Variants in CSMD1 observed in about 807,000 individuals in gnomAD.
The protein encoded by CSMD1 is CUB and sushi domain-containing protein 1.
A neutral mutation model predicts 417.5 loss-of-function variants in CSMD1; 213 were observed. The observed-to-expected ratio is 0.51, with a 90% CI of 0.46 to 0.57. The LOEUF (loss-of-function observed/expected upper bound fraction) is 0.57. CSMD1 is among the 20% of genes least tolerant of loss of function. The pLI is 0.00. For missense variants in CSMD1, 6,923 were observed against 4,529.7 expected (o/e 1.53, Z -15.17); for synonymous variants, 2,862 against 1,736.8 (o/e 1.65, Z -16.11).
chr8:3,370,521 T>G (rs1361235351), intron 18 of CSMD1, among the ~76,000 whole-genome samples: 2 of 152,208 alleles, frequency 1.3e-5, no homozygotes, highest in Non-Finnish European at 2.9e-5. Context: ...CCAGTGTGAC[T>G]GGGCTAAGGG....
At chr8:4,500,321 G>A (rs552039160) in intron 2 of CSMD1, among the ~76,000 whole-genome samples, 9 of 152,278 alleles carry the variant, frequency 5.9e-5, no homozygotes, top group African/African-American at 1.9e-4. Context: ...GGGATATTCT[G>A]TAACCACCAC....
chr8:4,551,286 G>T (rs537766872), intron 2 of CSMD1, among the ~76,000 whole-genome samples: 4 of 152,036 alleles, frequency 2.6e-5, no homozygotes, highest in Admixed American at 6.6e-5. Flanking sequence ...CTGACTCAAG[G>T]CTGTATGTGA....
chr8:4,149,895 T>C (rs1271054793), intron 3 of CSMD1, among the ~76,000 whole-genome samples: 1 of 152,224 alleles, frequency 6.6e-6, no homozygotes, highest in Non-Finnish European at 1.5e-5. Flanking sequence ...TCCACTCTAA[T>C]GTTCAGTAAT....
rs372142170 is a variant in CSMD1, at chr8:4,031,978, G to A, written c.537C>T (p.Gly179=). Residue 179 remains glycine, a synonymous_variant, in exon 4 of 70, where the codon GGC becomes GGT. Coordinates refer to ENST00000635120, the MANE Select transcript of CSMD1 (RefSeq NM_033225.6). ...TGACGATGCAGGTCAGGATGGCGTG[G>A]CCTTCCAAGATGTAGCCAGGGAGGC... ...YSCLPGYILE[G]HAILTCIVSP... The A allele has an allele frequency of 6.2e-7, 1 of 1,613,964 alleles. No homozygotes were observed. Among genetic ancestry groups the A allele is most frequent in the South Asian group, 1.1e-5 (1 of 91,080 alleles).
At chr8:4,202,283 C>T (rs975239320) in intron 3 of CSMD1, among the ~76,000 whole-genome samples, 1 of 152,108 alleles carries the variant, frequency 6.6e-6, no homozygotes, top group Non-Finnish European at 1.5e-5. Flanking sequence ...ACTGATTATG[C>T]TTTAAAAAAA....
intron 1 of CSMD1, among the ~76,000 whole-genome samples, chr8:4,875,139 G>A (rs1479291068): frequency 1.3e-5 from 2 of 151,722 alleles, no homozygotes; most frequent in African/African-American, 4.9e-5. Flanking sequence ...CTCATGGTAA[G>A]GTAGTATGTG....
At chr8:4,303,868 G>A (rs1277486535) in intron 3 of CSMD1, among the ~76,000 whole-genome samples, 5 of 151,974 alleles carry the variant, frequency 3.3e-5, no homozygotes, top group African/African-American at 9.7e-5. Context: ...TGTTGCCCAG[G>A]CTGGTCTCGA....
chr8:4,169,362 G>A (rs1032388234), intron 3 of CSMD1, among the ~76,000 whole-genome samples: 3 of 152,100 alleles, frequency 2.0e-5, no homozygotes, highest in Non-Finnish European at 2.9e-5. Context: ...TGGCGACTGC[G>A]TTTTCCACTT....
intron 3 of CSMD1, among the ~76,000 whole-genome samples, chr8:4,359,312 A>ATG (rs1801616893): frequency 6.6e-6 from 1 of 152,236 alleles, no homozygotes. Context: ...GCAGTGCATT[A>ATG]TTGTGCAGGG....
intron 3 of CSMD1, among the ~76,000 whole-genome samples, chr8:4,352,617 C>T (rs908765032): frequency 2.0e-5 from 3 of 152,122 alleles, no homozygotes; most frequent in Admixed American, 6.5e-5. Flanking sequence ...AGTCATTTGC[C>T]CCGAGTGACA....
chr8:3,592,155 T>A lies in CSMD1; in HGVS notation c.1098-5895A>T, dbSNP rs73489596. On this transcript the variant is annotated intron_variant, in intron 8 of 69. Coordinates refer to ENST00000635120, the MANE Select transcript of CSMD1 (RefSeq NM_033225.6). Reference sequence around the variant, plus strand: ...AGATGAATGGATAGGTAAGTAGATATCCATCTGGTTAGGTAGATAGATTGA... The same window carrying A: ...AGATGAATGGATAGGTAAGTAGATAACCATCTGGTTAGGTAGATAGATTGA... Among the ~76,000 whole-genome samples, 3 of 151,962 alleles carry A rather than the reference T, an allele frequency of 2.0e-5. No homozygotes were observed. In the South Asian group the frequency reaches 6.3e-4, roughly 32 times the overall value.
At chr8:4,905,819 C>CG (rs1805225472) in intron 1 of CSMD1, among the ~76,000 whole-genome samples, 1 of 94,338 alleles carries the variant, frequency 1.1e-5, no homozygotes, top group African/African-American at 3.8e-5. Flanking sequence ...GACTCCATCT[C>CG]AAAAAAAAAA....
At chr8:4,633,286 C>G (rs1802635873) in intron 2 of CSMD1, among the ~76,000 whole-genome samples, 1 of 151,706 alleles carries the variant, frequency 6.6e-6, no homozygotes, top group East Asian at 1.9e-4. Flanking sequence ...TCAGTCTGTC[C>G]CCCAGGCTGG....
intron 1 of CSMD1, among the ~76,000 whole-genome samples, chr8:4,855,618 C>T (rs1276832360): frequency 2.0e-5 from 3 of 152,128 alleles, no homozygotes; most frequent in Non-Finnish European, 4.4e-5. Flanking sequence ...GTGAAGAATG[C>T]AGAAGCCTCT....
intron 1 of CSMD1, among the ~76,000 whole-genome samples, chr8:4,802,141 C>T (rs1798322885): frequency 6.6e-6 from 1 of 152,140 alleles, no homozygotes; most frequent in African/African-American, 2.4e-5. Flanking sequence ...ATCTCAAAAT[C>T]GAAGAGCAAT....
intron 29 of CSMD1, among the ~76,000 whole-genome samples, chr8:3,217,772 G>A (rs541053079): frequency 6.6e-6 from 1 of 151,996 alleles, no homozygotes; most frequent in Non-Finnish European, 1.5e-5. Flanking sequence ...CTGATGTTTG[G>A]GAGCAAAGAA....
At chr8:4,199,820 C>T (rs1799547169) in intron 3 of CSMD1, among the ~76,000 whole-genome samples, 1 of 152,020 alleles carries the variant, frequency 6.6e-6, no homozygotes, top group African/African-American at 2.4e-5. Context: ...TGTAGGTTTC[C>T]ACTAGATAAC....
At chr8:4,174,948 G>C (rs973130656) in intron 3 of CSMD1, among the ~76,000 whole-genome samples, 32 of 151,070 alleles carry the variant, frequency 2.1e-4, no homozygotes, top group African/African-American at 4.4e-4. Context: ...TAATATTGAA[G>C]TCTTTAAAAT....
At chr8:3,164,741 G>A (rs913453964) in intron 37 of CSMD1, among the ~76,000 whole-genome samples, 1 of 152,122 alleles carries the variant, frequency 6.6e-6, no homozygotes, top group Non-Finnish European at 1.5e-5. Flanking sequence ...ACAGAACGAA[G>A]AATATCGATT....
Sources: gnomAD v4.1 joint callset for allele counts (sites outside exome capture counted in the v4.1 genomes callset) on GRCh38, gnomAD v4.1.1 for gene constraint, MANE v1.5 for transcripts, NCBI Gene and HGNC (gene_info 2026-07-23, HGNC 2026-07-21) for gene names.